The following TBC1D12 variants were observed in gnomAD, a reference collection of about 807,000 sequenced individuals.
TBC1D12 encodes TBC1 domain family, member 12.
A neutral mutation model predicts 86.7 loss-of-function variants in TBC1D12; 56 were observed. The ratio of observed to expected loss-of-function variants is 0.65; its 90% CI spans 0.52 to 0.81. TBC1D12 has a LOEUF of 0.81. TBC1D12 is among the 30% of genes least tolerant of loss of function. The pLI is 0.00. For missense variants in TBC1D12, 1,023 were observed against 1,038.8 expected, an observed-to-expected ratio of 0.98 and a Z score of 0.21; for synonymous variants, 421 against 411.7, an observed-to-expected ratio of 1.02 and a Z score of -0.27.
intron 3 of TBC1D12, 149 bp downstream of exon 3, chr10:94,474,932 T>C (rs1262176145): frequency 9.3e-6 from 7 of 755,046 alleles, no homozygotes; most frequent in Admixed American, 2.9e-5. Flanking sequence ...CTAAAACTAT[T>C]TGGGGAGAAT....
At chr10:94,515,344 T>TG (rs2056578606) in intron 9 of TBC1D12, among the ~76,000 whole-genome samples, 2 of 150,718 alleles carry the variant, frequency 1.3e-5, no homozygotes, top group Admixed American at 6.6e-5. Flanking sequence ...GGTTTTTTTG[T>TG]TTTGTTTTGT....
intron 1 of TBC1D12, among the ~76,000 whole-genome samples, chr10:94,414,634 C>G (rs2054974700): frequency 6.9e-6 from 1 of 144,792 alleles, no homozygotes; most frequent in Non-Finnish European, 1.5e-5. Flanking sequence ...GAGTCTCGCT[C>G]TGTCTCTCGG....
chr10:94,403,569 CG>C lies in TBC1D12; in HGVS notation c.958del (p.Asp320ThrfsTer78). 1 of 1,474,348 alleles carries C rather than the reference CG, an allele frequency of 6.8e-7. No homozygotes were observed. Among genetic ancestry groups the C allele is most frequent in the Non-Finnish European group, 8.9e-7 (1 of 1,122,918 alleles). 91.3% of individuals were successfully genotyped at this position (1,474,348 alleles called of 1,614,324 possible). Reference sequence around the variant, plus strand: ...CGGGCTCGACGGAGTGGCGGCTTCGCGGACTTCTTCACCAGGTACAGCGCAG... The same window carrying C: ...CGGGCTCGACGGAGTGGCGGCTTCGCGACTTCTTCACCAGGTACAGCGCAG... ...SARARRSGGF[A>X]DFFTRNLFPK... On this transcript the variant is annotated frameshift_variant, in exon 1 of 13. Coordinates refer to ENST00000225235, the MANE Select transcript of TBC1D12 (RefSeq NM_015188.2). LOFTEE classifies it high-confidence loss of function.
At position 94,531,206 on chromosome 10, in the gene TBC1D12, T is replaced by C; in HGVS notation, c.2005T>C (p.Phe669Leu). The change falls in exon 12 of 13, where the codon TTC becomes CTC. Residue 669 changes from phenylalanine to leucine, a missense_variant. Phe to Leu is a conservative substitution (Grantham distance 22). This residue lies in a region of TBC1D12 where 395 missense variants were observed against 507.7 expected (regional missense o/e 0.78). Coordinates refer to ENST00000225235, the MANE Select transcript of TBC1D12 (RefSeq NM_015188.2). ...TPDIYLIDWI[F>L]TLYSKSLPLD... ...CATTTTTCCCTCTAATTTTAGGATC[T>C]TCACACTATATAGCAAATCACTACC... 2 of 1,606,678 alleles carry C rather than the reference T, an allele frequency of 1.2e-6. No individual in the cohort carries two copies. Among genetic ancestry groups the C allele is most frequent in the Non-Finnish European group, 1.7e-6 (2 of 1,175,328 alleles).
At chr10:94,404,653 A>G (rs2134040967) in intron 1 of TBC1D12, among the ~76,000 whole-genome samples, 1 of 151,986 alleles carries the variant, frequency 6.6e-6, no homozygotes, top group African/African-American at 2.4e-5. Flanking sequence ...TCTTTCAAAA[A>G]AAAAAAAAAA....
chr10:94,403,373 G>A lies in TBC1D12; in HGVS notation c.760G>A (p.Glu254Lys). 2 of 1,532,726 alleles carry A rather than the reference G, an allele frequency of 1.3e-6. No homozygotes were observed. Among genetic ancestry groups the A allele is most frequent in the Non-Finnish European group, 1.8e-6 (2 of 1,140,256 alleles). 94.9% of individuals were successfully genotyped at this position (1,532,726 alleles called of 1,614,324 possible). ...GGGCGCGCCCCCTGCCACCTCGGCC[G>A]AGAGGACTAATGGGGGTGCGGAGCC... ...EEGAPPATSAERTNGGAEPRL... is the reference protein window; with the variant it reads ...EEGAPPATSAKRTNGGAEPRL... Residue 254 changes from glutamate (E) to lysine (K), a missense_variant, in exon 1 of 13, where the codon GAG becomes AAG. Physicochemically the swap from Glu to Lys is moderately conservative, Grantham distance 56 (BLOSUM62 1). Coordinates refer to ENST00000225235, the MANE Select transcript of TBC1D12 (RefSeq NM_015188.2).
chr10:94,453,436 T>A (rs1212055475), intron 2 of TBC1D12, among the ~76,000 whole-genome samples: 1 of 152,214 alleles, frequency 6.6e-6, no homozygotes, highest in African/African-American at 2.4e-5. Flanking sequence ...CACATTCATA[T>A]AACTTTTATT....
intron 9 of TBC1D12, among the ~76,000 whole-genome samples, chr10:94,518,202 C>CT (rs916355487): frequency 1.7e-4 from 26 of 151,858 alleles, no homozygotes; most frequent in Non-Finnish European, 2.9e-4. Context: ...ACTATGCATT[C>CT]TTTTTTTTCT....
intron 3 of TBC1D12, among the ~76,000 whole-genome samples, chr10:94,489,666 A>C (rs1486514534): frequency 1.3e-5 from 2 of 152,128 alleles, no homozygotes; most frequent in Non-Finnish European, 1.5e-5. Context: ...TTGATTTTAA[A>C]TTGAGAGATA....
At chr10:94,450,482 C>G (rs1337784748) in intron 2 of TBC1D12, among the ~76,000 whole-genome samples, 2 of 151,828 alleles carry the variant, frequency 1.3e-5, no homozygotes, top group Non-Finnish European at 1.5e-5. Context: ...GACAGTATAT[C>G]AAAGATACAG....
At chr10:94,492,597 GA>G (rs2056260771) in intron 3 of TBC1D12, among the ~76,000 whole-genome samples, 3 of 152,144 alleles carry the variant, frequency 2.0e-5, no homozygotes. Flanking sequence ...ACAACAACAT[GA>G]ATGATTTTCA....
At position 94,402,556 on chromosome 10, in the gene TBC1D12, C is replaced by G. The variant is rs866508557; in HGVS notation, c.-58C>G. 7 of 1,589,892 alleles carry G rather than the reference C, an allele frequency of 4.4e-6. No homozygotes were observed. Among genetic ancestry groups the G allele is most frequent in the Non-Finnish European group, 6.0e-6 (7 of 1,167,938 alleles). ...CCCAGCACCCAGAGCTGTTCTCTGG[C>G]CAAGCCTGCGCCTGTAGTCCTTCTT... On this transcript the variant is annotated 5_prime_UTR_variant, in exon 1 of 13. Transcript: ENST00000225235.
intron 9 of TBC1D12, among the ~76,000 whole-genome samples, chr10:94,513,638 C>T (rs1589669702): frequency 6.6e-6 from 1 of 152,160 alleles, no homozygotes; most frequent in East Asian, 1.9e-4. Context: ...TTACTATAGC[C>T]TCGACTTCCT....
intron 1 of TBC1D12, among the ~76,000 whole-genome samples, chr10:94,415,391 A>G (rs373712317): frequency 6.8e-4 from 103 of 152,252 alleles, no homozygotes; most frequent in African/African-American, 2.4e-3. Flanking sequence ...AAAACAAAGG[A>G]CTTGTGGTTC....
chr10:94,430,041 G>C (rs2055194756), intron 1 of TBC1D12, among the ~76,000 whole-genome samples: 2 of 151,876 alleles, frequency 1.3e-5, no homozygotes, highest in Non-Finnish European at 2.9e-5. Flanking sequence ...CAGCCGAAAA[G>C]TATTCTATCC....
intron 1 of TBC1D12, among the ~76,000 whole-genome samples, chr10:94,424,829 A>G (rs1046955409): frequency 2.0e-5 from 3 of 152,154 alleles, no homozygotes; most frequent in African/African-American, 7.2e-5. Flanking sequence ...ATTCTAATTA[A>G]TGGGTTTAAA....
chr10:94,418,505 T>C (rs904986376), intron 1 of TBC1D12, among the ~76,000 whole-genome samples: 2 of 152,150 alleles, frequency 1.3e-5, no homozygotes, highest in South Asian at 4.1e-4. Flanking sequence ...TCTCAATTTC[T>C]GTAGAACTAG....
rs540678301 is a variant in TBC1D12 at position 94,464,203 on chromosome 10, C to T, written c.1096-10465C>T. Among the ~76,000 whole-genome samples, 5 of 152,036 alleles carry T rather than the reference C, an allele frequency of 3.3e-5. No individual in the cohort carries two copies. In the South Asian group the frequency reaches 8.3e-4, roughly 25 times the overall value. ...TCTTGCTTTTGTATACAATCTGATACCCTCTATTTTTTAAATGGCATGTCA... is the reference window on the plus strand; with the variant it reads ...TCTTGCTTTTGTATACAATCTGATATCCTCTATTTTTTAAATGGCATGTCA... On this transcript the variant is annotated intron_variant, in intron 2 of 12. Transcript: ENST00000225235.
At chr10:94,405,916 T>C (rs1310890060) in intron 1 of TBC1D12, among the ~76,000 whole-genome samples, 2 of 152,016 alleles carry the variant, frequency 1.3e-5, no homozygotes, top group Non-Finnish European at 2.9e-5. Context: ...GTTCAAGTGA[T>C]TCTCCTGCCT....
Sources: gnomAD v4.1 joint callset for allele counts (sites outside exome capture counted in the v4.1 genomes callset) on GRCh38, gnomAD v4.1.1 for gene constraint, gnomAD v4.1.1 regional missense constraint, MANE v1.5 for transcripts, NCBI Gene and HGNC (gene_info 2026-07-23, HGNC 2026-07-21) for gene names.